SMARCAD1: variants seen among roughly 807,000 people sequenced by gnomAD.
SMARCAD1 encodes the protein SNF2 related chromatin remodeling ATPase with DExD box 1.
SMARCAD1 carries 25 observed loss-of-function variants against 127.1 expected under a neutral mutation model. That is an observed-to-expected ratio of 0.20 (90% CI 0.14 to 0.27). SMARCAD1 has a LOEUF of 0.27. Ranked by LOEUF, SMARCAD1 falls within the 10% of genes least tolerant of loss-of-function variation. SMARCAD1 has a pLI of 1.00. For synonymous variants in SMARCAD1, 400 were observed against 396.9 expected, an observed-to-expected ratio of 1.01 and a Z score of -0.09; for missense variants, 807 against 1,206.0, an observed-to-expected ratio of 0.67 and a Z score of 4.90.
intron 5 of SMARCAD1, 151 bp from the exon 6 acceptor site, chr4:94,240,755 A>T: frequency 1.1e-5 from 7 of 630,534 alleles, no homozygotes; most frequent in Admixed American, 2.8e-5. Context: ...TTTTTTTTTC[A>T]ATTCAGTCAT....
intron 2 of SMARCAD1, among the ~76,000 whole-genome samples, chr4:94,215,747 C>T (rs542933458): frequency 2.0e-5 from 3 of 152,202 alleles, no homozygotes; most frequent in African/African-American, 4.8e-5. Flanking sequence ...CTTTTTCATA[C>T]CTGTCTAAAA....
At position 94,240,972 on chromosome 4, in the gene SMARCAD1, A is replaced by T. The variant is rs1418958792; in HGVS notation, c.671A>T (p.Asp224Val). 1 of 1,612,888 alleles carries T rather than the reference A, an allele frequency of 6.2e-7. No individual in the cohort carries two copies. ...SEPYEEDEFN[D>V]DQSIKKTRLD... The stretch of plus-strand genomic sequence containing the variant: ...CCATATGAGGAAGATGAATTTAATG[A>T]TGATCAATCTATAAAAAAGACAAGA... Residue 224 changes from aspartate to valine, a missense_variant, in exon 6 of 24, where the codon GAT (aspartate) becomes GTT (valine). By Grantham distance (152) the Asp-to-Val change is radical. Around this residue, in one of 8 missense-constraint regions of SMARCAD1, gnomAD observed 48 missense variants for 90.8 expected, o/e 0.53. Coordinates refer to ENST00000354268, the MANE Select transcript of SMARCAD1 (RefSeq NM_020159.5).
intron 2 of SMARCAD1, chr4:94,212,896 C>G (rs942869268): frequency 4.9e-6 from 2 of 407,388 alleles, no homozygotes; most frequent in African/African-American, 2.1e-5. Flanking sequence ...CCTCTAAATC[C>G]CAGCCAGCCT....
intron 6 of SMARCAD1, among the ~76,000 whole-genome samples, chr4:94,247,401 A>T (rs4693378): frequency 0.55 from 83,313 of 151,970 alleles, 23,337 homozygotes; most frequent in East Asian, 0.72. Context: ...CACCAGGGAT[A>T]AGCAGAGCTG....
At position 94,253,615 on chromosome 4, in the gene SMARCAD1, A is replaced by C. The variant is rs1341538269; in HGVS notation, c.1281+608A>C. 1.4e-5 allele frequency: 14 copies of C among 1,031,210 alleles called. No homozygotes were observed. In the Admixed American group the frequency reaches 2.5e-4, roughly 19 times the overall value. 63.9% of individuals were successfully genotyped at this position (1,031,210 alleles called of 1,614,324 possible). ...GCAGCGTTTTTAATTGGAAAGATAG[A>C]AAAATTTCTGGAAGCCTATAATTCA... is the stretch of plus-strand genomic sequence containing the variant. On this transcript the variant is annotated intron_variant, in intron 9 of 23. Transcript: ENST00000354268.
Position 94,227,043 on chromosome 4 carries a change from A to G in SMARCAD1, c.368+747A>G, listed in dbSNP as rs541937202. On this transcript the variant is annotated intron_variant, in intron 3 of 23. Transcript: ENST00000354268. ...TGGTTTCTAAAGAGCGTGGTCAGAAAAGCCTCAATTGAGAAGACAGTGCTT... is the reference window on the plus strand; with the variant it reads ...TGGTTTCTAAAGAGCGTGGTCAGAAGAGCCTCAATTGAGAAGACAGTGCTT... 3.9e-5 allele frequency among the ~76,000 whole-genome samples: 6 copies of G among 152,186 alleles called. No individual in the cohort carries two copies. In the South Asian group the frequency reaches 1.0e-3, roughly 26 times the overall value.
Position 94,252,637 on chromosome 4 carries a change from G to T in SMARCAD1, c.911G>T (p.Ser304Ile). ...EDQDMQYVSQ[S>I]EVPNGKEVSS... ...ACAGATATGCAATATGTATCACAAA[G>T]TGAGGTTCCAAATGGAAAAGAAGTT... Residue 304 changes from serine to isoleucine, a missense_variant, in exon 9 of 24, where the codon AGT (serine) becomes ATT (isoleucine). By Grantham distance (142) the Ser-to-Ile change is moderately radical (BLOSUM62 -2). This residue lies in a region of SMARCAD1 where 257 missense variants were observed against 303.4 expected (regional missense o/e 0.85). Coordinates refer to ENST00000354268, the MANE Select transcript of SMARCAD1 (RefSeq NM_020159.5). 1 of 1,569,910 alleles carries T rather than the reference G, an allele frequency of 6.4e-7. No homozygotes were observed. The highest frequency in any genetic ancestry group is 2.0e-5 in the Admixed American group (1 of 50,538).
At chr4:94,241,557 G>A (rs1408360674) in intron 6 of SMARCAD1, among the ~76,000 whole-genome samples, 1 of 152,118 alleles carries the variant, frequency 6.6e-6, no homozygotes, top group Non-Finnish European at 1.5e-5. Flanking sequence ...TGAATTTGGA[G>A]GGGACACAAC....
intron 19 of SMARCAD1, 116 bp downstream of exon 19, chr4:94,279,166 C>T: frequency 7.6e-7 from 1 of 1,313,618 alleles, no homozygotes; most frequent in Non-Finnish European, 1.0e-6. Flanking sequence ...TTAAGAAAAA[C>T]TTTTTTTTTT....
At chr4:94,214,517 C>T (rs1011522679) in intron 2 of SMARCAD1, among the ~76,000 whole-genome samples, 3 of 151,904 alleles carry the variant, frequency 2.0e-5, no homozygotes, top group African/African-American at 4.8e-5. Context: ...CTGCCCGCCT[C>T]GGCCTCCTAA....
intron 10 of SMARCAD1, among the ~76,000 whole-genome samples, chr4:94,269,497 T>G (rs1013435259): frequency 3.9e-5 from 6 of 152,128 alleles, no homozygotes; most frequent in African/African-American, 1.2e-4. Context: ...AATTAAGTTT[T>G]TTTTTTTTTT....
intron 5 of SMARCAD1, among the ~76,000 whole-genome samples, chr4:94,239,821 C>T (rs1025919575): frequency 6.6e-6 from 1 of 152,102 alleles, no homozygotes; most frequent in African/African-American, 2.4e-5. Context: ...GATCTGCCCA[C>T]CTCAGCCTCC....
intron 9 of SMARCAD1, among the ~76,000 whole-genome samples, chr4:94,260,195 AC>A (rs1750752825): frequency 6.6e-6 from 1 of 152,146 alleles, no homozygotes; most frequent in Non-Finnish European, 1.5e-5. Flanking sequence ...GGTTAAATGC[AC>A]CCACCAATAT....
chr4:94,223,360 G>C (rs926410333), intron 2 of SMARCAD1, among the ~76,000 whole-genome samples: 2 of 151,908 alleles, frequency 1.3e-5, no homozygotes, highest in African/African-American at 4.8e-5. Context: ...AGGTGTGGTG[G>C]TGGGCGCCTG....
chr4:94,219,887 C>T (rs1021253213), intron 2 of SMARCAD1, among the ~76,000 whole-genome samples: 2 of 152,166 alleles, frequency 1.3e-5, no homozygotes, highest in Admixed American at 1.3e-4. Flanking sequence ...TAATATCCCC[C>T]ACCTGGTACA....
At chr4:94,257,442 G>A (rs1024359909) in intron 9 of SMARCAD1, among the ~76,000 whole-genome samples, 1 of 151,998 alleles carries the variant, frequency 6.6e-6, no homozygotes, top group Non-Finnish European at 1.5e-5. Flanking sequence ...CATTTACAGG[G>A]TACTTTGTAT....
At chr4:94,234,648 GTAAA>G (rs1420021943) in intron 4 of SMARCAD1, among the ~76,000 whole-genome samples, 1 of 152,178 alleles carries the variant, frequency 6.6e-6, no homozygotes, top group African/African-American at 2.4e-5. Flanking sequence ...AATTATAAGA[GTAAA>G]TAAAAATTGA....
At chr4:94,212,923 A>G in intron 2 of SMARCAD1, 1 of 474,162 alleles carries the variant, frequency 2.1e-6, no homozygotes, top group Non-Finnish European at 3.9e-6. Flanking sequence ...TTGAGGGCAT[A>G]CACTTAACCT....
chr4:94,231,506 TA>T (rs1195396433), intron 3 of SMARCAD1, among the ~76,000 whole-genome samples: 7 of 152,210 alleles, frequency 4.6e-5, no homozygotes, highest in Admixed American at 1.3e-4. Flanking sequence ...TGAAATAGTA[TA>T]TAAAGAACAC....
Sources: gnomAD v4.1 joint callset for allele counts (sites outside exome capture counted in the v4.1 genomes callset) on GRCh38, gnomAD v4.1.1 for gene constraint, gnomAD v4.1.1 regional missense constraint, MANE v1.5 for transcripts, NCBI Gene and HGNC (gene_info 2026-07-23, HGNC 2026-07-21) for gene names.